The following LRRC4C variants were observed in gnomAD, a reference collection of about 807,000 sequenced individuals.
LRRC4C encodes the protein leucine rich repeat containing 4C.
In LRRC4C, 5 loss-of-function variants were observed where a neutral mutation model predicts 33.6. The ratio of observed to expected loss-of-function variants is 0.15; its 90% CI spans 0.08 to 0.31. The LOEUF is 0.31. Ranked by LOEUF, LRRC4C falls within the 10% of genes least tolerant of loss-of-function variation. LRRC4C has a pLI of 1.00. For synonymous variants in LRRC4C, 329 were observed against 302.0 expected (o/e 1.09, Z -0.93); for missense variants, 560 against 796.7 (o/e 0.70, Z 3.58).
chr11:41,028,774 G>A (rs962791434), intron 1 of LRRC4C, among the ~76,000 whole-genome samples: 3 of 150,128 alleles, frequency 2.0e-5, no homozygotes, highest in Non-Finnish European at 4.5e-5. Flanking sequence ...TGCTTGGAAT[G>A]TTTTTTTTTC....
At chr11:41,104,168 G>C (rs894310831) in intron 1 of LRRC4C, among the ~76,000 whole-genome samples, 2 of 151,786 alleles carry the variant, frequency 1.3e-5, no homozygotes, top group African/African-American at 4.8e-5. Flanking sequence ...AAAATGAAAG[G>C]TTGGCAACAG....
At chr11:40,242,544 G>A (rs932659919) in intron 4 of LRRC4C, among the ~76,000 whole-genome samples, 12 of 152,116 alleles carry the variant, frequency 7.9e-5, no homozygotes, top group Non-Finnish European at 1.6e-4. Context: ...TAATAACAAG[G>A]CAGTATCCAG....
At chr11:40,285,039 A>G (rs79637876) in intron 4 of LRRC4C, among the ~76,000 whole-genome samples, 4,879 of 152,226 alleles carry the variant, frequency 0.032, 93 homozygotes, top group South Asian at 0.082. Context: ...GTAATTTAAT[A>G]AAAACAGTAG....
intron 2 of LRRC4C, among the ~76,000 whole-genome samples, chr11:40,764,420 G>T (rs1949357561): frequency 6.6e-6 from 1 of 152,092 alleles, no homozygotes; most frequent in African/African-American, 2.4e-5. Flanking sequence ...TTGTCTTGCA[G>T]CTTGTGTGCC....
At chr11:41,180,678 C>T (rs1311835021) in intron 1 of LRRC4C, among the ~76,000 whole-genome samples, 1 of 152,096 alleles carries the variant, frequency 6.6e-6, no homozygotes, top group Non-Finnish European at 1.5e-5. Context: ...AGTACTGCTG[C>T]CCTGACTAAA....
intron 5 of LRRC4C, among the ~76,000 whole-genome samples, chr11:40,141,119 C>T (rs1473708238): frequency 6.6e-6 from 1 of 151,976 alleles, no homozygotes; most frequent in South Asian, 2.1e-4. Context: ...GATACATGAC[C>T]TTAAGTAAGT....
chr11:40,161,435 G>C (rs898163487), intron 5 of LRRC4C, among the ~76,000 whole-genome samples: 5 of 152,140 alleles, frequency 3.3e-5, no homozygotes, highest in Admixed American at 3.3e-4. Flanking sequence ...GCTCATGAAA[G>C]AAAAATACAT....
intron 1 of LRRC4C, among the ~76,000 whole-genome samples, chr11:40,956,091 G>A (rs746923388): frequency 6.6e-5 from 10 of 151,728 alleles, no homozygotes; most frequent in Admixed American, 3.3e-4. Context: ...GAGAAAGCGA[G>A]GTTGAGGGCT....
chr11:40,800,905 C>A (rs943137470), intron 2 of LRRC4C, among the ~76,000 whole-genome samples: 2 of 152,192 alleles, frequency 1.3e-5, no homozygotes, highest in Non-Finnish European at 2.9e-5. Flanking sequence ...TCTCTATTAT[C>A]TGTGAGCTCC....
intron 1 of LRRC4C, among the ~76,000 whole-genome samples, chr11:40,941,441 C>G (rs1958140112): frequency 6.6e-6 from 1 of 152,016 alleles, no homozygotes; most frequent in Admixed American, 6.6e-5. Context: ...TTAATCAAAG[C>G]TGTTTCATTT....
At chr11:40,253,509 C>CGT (rs1273442660) in intron 4 of LRRC4C, among the ~76,000 whole-genome samples, 1 of 152,040 alleles carries the variant, frequency 6.6e-6, no homozygotes, top group East Asian at 1.9e-4. Flanking sequence ...GTAAAATGAG[C>CGT]ATAACAGTAA....
intron 4 of LRRC4C, among the ~76,000 whole-genome samples, chr11:40,283,452 G>C (rs1220888197): frequency 1.3e-5 from 2 of 151,906 alleles, no homozygotes; most frequent in African/African-American, 4.8e-5. Flanking sequence ...GTTTTATTAT[G>C]CAAAGTAGTT....
chr11:40,951,031 C>T (rs1958669450), intron 1 of LRRC4C, among the ~76,000 whole-genome samples: 2 of 151,816 alleles, frequency 1.3e-5, no homozygotes, highest in Admixed American at 1.3e-4. Context: ...CTCCTACTAT[C>T]CAATATCCTT....
intron 2 of LRRC4C, among the ~76,000 whole-genome samples, chr11:40,751,285 AAG>A (rs1010889907): frequency 6.6e-6 from 1 of 152,154 alleles, no homozygotes; most frequent in Non-Finnish European, 1.5e-5. Flanking sequence ...AGGCTAGAGA[AAG>A]AAACAGAAAG....
intron 1 of LRRC4C, among the ~76,000 whole-genome samples, chr11:41,298,716 T>C (rs1289592449): frequency 6.6e-6 from 1 of 152,216 alleles, no homozygotes; most frequent in Non-Finnish European, 1.5e-5. Flanking sequence ...ACTGGTGAAC[T>C]CTGGGCTTTT....
At chr11:40,671,834 A>T (rs1254006842) in intron 2 of LRRC4C, among the ~76,000 whole-genome samples, 1 of 151,996 alleles carries the variant, frequency 6.6e-6, no homozygotes, top group Non-Finnish European at 1.5e-5. Flanking sequence ...ACTATCTAAG[A>T]TTATTTCTAA....
chr11:41,037,826 C>T (rs1318497922), intron 1 of LRRC4C, among the ~76,000 whole-genome samples: 1 of 152,130 alleles, frequency 6.6e-6, no homozygotes, highest in South Asian at 2.1e-4. Flanking sequence ...GGTGTTTTGG[C>T]TGTGTAGGCA....
intron 1 of LRRC4C, among the ~76,000 whole-genome samples, chr11:41,266,430 T>G (rs1949153983): frequency 1.3e-5 from 2 of 152,124 alleles, no homozygotes; most frequent in African/African-American, 4.8e-5. Flanking sequence ...ACAGAATTTA[T>G]AAACCTGACT....
chr11:40,225,911 G>A (rs1047342805), intron 5 of LRRC4C, among the ~76,000 whole-genome samples: 3 of 152,140 alleles, frequency 2.0e-5, no homozygotes, highest in African/African-American at 7.2e-5. Context: ...GAGCCACCAC[G>A]CCCAGCCTAT....
Sources: gnomAD v4.1 joint callset for allele counts (sites outside exome capture counted in the v4.1 genomes callset) on GRCh38, gnomAD v4.1.1 for gene constraint, MANE v1.5 for transcripts, NCBI Gene and HGNC (gene_info 2026-07-23, HGNC 2026-07-21) for gene names.